Variants in PPP2R2B observed in about 807,000 individuals in gnomAD.
PPP2R2B encodes protein phosphatase 2 regulatory subunit Bbeta.
PPP2R2B carries 5 observed loss-of-function variants against 46.0 expected under a neutral mutation model. That is an observed-to-expected ratio of 0.11 (90% CI 0.06 to 0.23). The LOEUF (loss-of-function observed/expected upper bound fraction) is 0.23, where lower values mean the gene tolerates loss of function less well. PPP2R2B is among the 10% of genes least tolerant of loss of function. The pLI is 1.00. For missense variants in PPP2R2B, 367 were observed against 575.0 expected (o/e 0.64, Z 3.70); for synonymous variants, 215 against 206.7 (o/e 1.04, Z -0.34).
rs377742788 is a variant in PPP2R2B, at chr5:146,865,813, ACT to A, written c.70+12187_70+12188del. Among the ~76,000 whole-genome samples, 30 of 151,848 alleles carry A rather than the reference ACT, an allele frequency of 2.0e-4. 1 individual carries two copies. Among genetic ancestry groups the A allele is most frequent in the African/African-American group, 6.5e-4 (27 of 41,294 alleles). On this transcript the variant is annotated intron_variant, in intron 2 of 9. Transcript: ENST00000394411. ...CTTTTGCCTCCTAACATCACACAAG[ACT>A]CTGCCTCCAATGAGGAAAGCCATTG...
chr5:146,814,703 G>T (rs1047143725), intron 2 of PPP2R2B, among the ~76,000 whole-genome samples: 5 of 152,154 alleles, frequency 3.3e-5, no homozygotes, highest in Admixed American at 2.6e-4. Context: ...TAAACACATT[G>T]CACATGTGGT....
chr5:146,650,863 A>G (rs556922725), intron 5 of PPP2R2B, 139 bp from the exon 6 acceptor site: 437 of 745,186 alleles, frequency 5.9e-4, no homozygotes, highest in Non-Finnish European at 8.1e-4. Context: ...AGAAGAGGCT[A>G]ATAACGAATC....
intron 2 of PPP2R2B, among the ~76,000 whole-genome samples, chr5:146,798,684 C>T (rs1756685535): frequency 6.6e-6 from 1 of 152,184 alleles, no homozygotes; most frequent in South Asian, 2.1e-4. Context: ...TGACTCAGCA[C>T]TTAAGAATGC....
At chr5:146,605,833 T>C (rs949448325) in intron 7 of PPP2R2B, among the ~76,000 whole-genome samples, 1 of 152,380 alleles carries the variant, frequency 6.6e-6, no homozygotes, top group East Asian at 1.9e-4. Context: ...CTTTGGGTTA[T>C]ATTGCTATAG....
chr5:146,650,137 A>G (rs960306371), intron 6 of PPP2R2B, among the ~76,000 whole-genome samples: 2 of 152,172 alleles, frequency 1.3e-5, no homozygotes, highest in Non-Finnish European at 2.9e-5. Flanking sequence ...GTCAGTCACT[A>G]TTATTTTCAC....
At chr5:146,931,868 G>A (rs537453362) in intron 1 of PPP2R2B, among the ~76,000 whole-genome samples, 1 of 152,224 alleles carries the variant, frequency 6.6e-6, no homozygotes, top group Admixed American at 6.5e-5. Flanking sequence ...CCTATATAAT[G>A]TAGAAGACTA....
In PPP2R2B at chr5:146,915,225, C is replaced by T. The variant is rs1763339022; in HGVS notation, c.79+140440G>A. On this transcript the variant is annotated intron_variant, in intron 1 of 8. Coordinates refer to the PPP2R2B transcript ENST00000336640. ...AATTTGCTGTACTCTGCCAAGTAGC[C>T]AGGAAAAAATTTTTAAAATAAATGT... Among the ~76,000 whole-genome samples, 3 of 152,036 alleles carry T rather than the reference C, an allele frequency of 2.0e-5. No homozygotes were observed. The South Asian group carries it at 6.2e-4, about 32-fold the overall frequency.
chr5:146,979,805 A>G (rs910373492), intron 1 of PPP2R2B, among the ~76,000 whole-genome samples: 2 of 152,190 alleles, frequency 1.3e-5, no homozygotes, highest in African/African-American at 2.4e-5. Flanking sequence ...ATAACAATAT[A>G]CTGTAATAAA....
rs187669756 is a variant in PPP2R2B at position 146,982,243 on chromosome 5, C to A, written c.79+73422G>T. Among the ~76,000 whole-genome samples the A allele has an allele frequency of 2.6e-5, 4 of 152,228 alleles. No homozygotes were observed. In the East Asian group the frequency reaches 7.7e-4, roughly 29 times the overall value. On this transcript the variant is annotated intron_variant, in intron 1 of 8. Coordinates refer to the PPP2R2B transcript ENST00000336640. The stretch of plus-strand genomic sequence containing the variant: ...GCTTTTCATTTGTTGCCAGGTCCCA[C>A]AATTTTTGATATGTTGTGTTTTTAT...
At chr5:147,068,085 T>C (rs1474782173) in intron 2 of PPP2R2B, among the ~76,000 whole-genome samples, 1 of 152,140 alleles carries the variant, frequency 6.6e-6, no homozygotes, top group African/African-American at 2.4e-5. Flanking sequence ...TTAGCAAATA[T>C]TAAATATTAA....
intron 2 of PPP2R2B, among the ~76,000 whole-genome samples, chr5:146,737,595 G>T (rs1055391853): frequency 6.6e-6 from 1 of 151,934 alleles, no homozygotes; most frequent in Non-Finnish European, 1.5e-5. Flanking sequence ...GATCCATTCC[G>T]CTTTTTTTTG....
intron 1 of PPP2R2B, among the ~76,000 whole-genome samples, chr5:146,961,650 A>AC (rs1189275483): frequency 6.6e-6 from 1 of 152,088 alleles, no homozygotes; most frequent in African/African-American, 2.4e-5. Context: ...TGCCTTTTAT[A>AC]TGTTAAGAGT....
chr5:146,923,877 C>A lies in PPP2R2B; in HGVS notation c.79+131788G>T, dbSNP rs117765084. ...AAATATGGTACATATACACCGTGGA[C>A]TACTATGCAGCCACAGGAAAGAAGA... On this transcript the variant is annotated intron_variant, in intron 1 of 8. Coordinates refer to the PPP2R2B transcript ENST00000336640. Among the ~76,000 whole-genome samples, 854 of 152,244 alleles carry A rather than the reference C, an allele frequency of 5.6e-3. 27 individuals are homozygous for A. In the East Asian group the frequency reaches 0.066, roughly 12 times the overall value.
intron 1 of PPP2R2B, among the ~76,000 whole-genome samples, chr5:146,977,699 A>C (rs1283370611): frequency 6.6e-6 from 1 of 152,230 alleles, no homozygotes; most frequent in Non-Finnish European, 1.5e-5. Context: ...AGCAAAGGAC[A>C]TAAACTCATC....
At chr5:146,805,118 A>G (rs1453240753) in intron 2 of PPP2R2B, among the ~76,000 whole-genome samples, 1 of 152,186 alleles carries the variant, frequency 6.6e-6, no homozygotes, top group Non-Finnish European at 1.5e-5. Flanking sequence ...GCAGAGAGTG[A>G]TTAGCCAAAT....
chr5:146,855,998 T>C (rs1451393058), intron 2 of PPP2R2B, among the ~76,000 whole-genome samples: 1 of 152,256 alleles, frequency 6.6e-6, no homozygotes, highest in Non-Finnish European at 1.5e-5. Flanking sequence ...GGAAATTACC[T>C]GTTCAGTGAT....
At chr5:146,737,325 A>G (rs1034014646) in intron 2 of PPP2R2B, among the ~76,000 whole-genome samples, 6 of 152,198 alleles carry the variant, frequency 3.9e-5, no homozygotes, top group Non-Finnish European at 5.9e-5. Flanking sequence ...ATTTTGATAC[A>G]TATTATGCTT....
intron 1 of PPP2R2B, among the ~76,000 whole-genome samples, chr5:146,904,848 C>T (rs567204908): frequency 6.6e-6 from 1 of 151,978 alleles, no homozygotes; most frequent in Non-Finnish European, 1.5e-5. Flanking sequence ...ACATGAGGAA[C>T]CAGATACAAA....
chr5:147,048,125 T>G (rs1193960989), intron 1 of PPP2R2B, among the ~76,000 whole-genome samples: 2 of 152,142 alleles, frequency 1.3e-5, no homozygotes, highest in African/African-American at 4.8e-5. Context: ...TAAAACCTAC[T>G]GTTAGAGTTG....
Sources: allele counts gnomAD v4.1 joint callset (sites outside exome capture counted in the v4.1 genomes callset), GRCh38; gene constraint gnomAD v4.1.1; transcripts MANE v1.5; gene names NCBI Gene and HGNC (gene_info 2026-07-23, HGNC 2026-07-21).